Variants in ASIC2 observed in about 807,000 individuals in gnomAD.
ASIC2 encodes the protein acid-sensing ion channel 2.
A neutral mutation model predicts 57.3 loss-of-function variants in ASIC2; 25 were observed. The observed-to-expected ratio is 0.44, with a 90% CI of 0.32 to 0.61. ASIC2 has a LOEUF of 0.61. Ranked by LOEUF, ASIC2 falls within the 20% of genes least tolerant of loss-of-function variation. ASIC2 has a pLI of 0.06. For synonymous variants in ASIC2, 319 were observed against 307.5 expected (o/e 1.04, Z -0.39); for missense variants, 641 against 738.1 (o/e 0.87, Z 1.52).
intron 1 of ASIC2, among the ~76,000 whole-genome samples, chr17:33,700,287 G>A (rs1218678883): frequency 6.6e-6 from 1 of 151,946 alleles, no homozygotes; most frequent in Non-Finnish European, 1.5e-5. Flanking sequence ...AAAAAAAAAA[G>A]TTTTCTGTTG....
chr17:33,831,106 C>CAAAAAAA (rs56841196), intron 1 of ASIC2, among the ~76,000 whole-genome samples: 2 of 22,964 alleles, frequency 8.7e-5, no homozygotes, highest in Non-Finnish European at 1.4e-4. Context: ...AAGGCTCTGT[C>CAAAAAAA]AAAAAAAAAA....
At chr17:34,143,347 A>C (rs966564675) in intron 1 of ASIC2, among the ~76,000 whole-genome samples, 1 of 152,194 alleles carries the variant, frequency 6.6e-6, no homozygotes, top group African/African-American at 2.4e-5. Flanking sequence ...GTCCCCATAA[A>C]AACTCATGTT....
Position 33,673,800 on chromosome 17 carries a change from G to A in ASIC2, c.555+482178C>T, listed in dbSNP as rs75408751. 8.8e-3 allele frequency among the ~76,000 whole-genome samples: 1,344 copies of A among 152,184 alleles called. 18 individuals carry two copies. The highest frequency in any genetic ancestry group is 0.031 in the African/African-American group (1,302 of 41,498). ...GCTCCCTGAACCTACCTTACTGTCA[G>A]AATCATTCGTGAAGCTTTGTAAAGA... On this transcript the variant is annotated intron_variant, in intron 1 of 9. Coordinates refer to the ASIC2 transcript ENST00000359872.
At chr17:33,417,454 G>A (rs1004575335) in intron 1 of ASIC2, among the ~76,000 whole-genome samples, 3 of 152,120 alleles carry the variant, frequency 2.0e-5, no homozygotes, top group African/African-American at 7.2e-5. Flanking sequence ...AAGACTACCC[G>A]GGAAACACAC....
chr17:34,076,231 CT>C (rs1168286743), intron 1 of ASIC2, among the ~76,000 whole-genome samples: 1 of 152,132 alleles, frequency 6.6e-6, no homozygotes, highest in African/African-American at 2.4e-5. Context: ...TCTCAAACAC[CT>C]GACCTCAGGT....
At chr17:33,223,275 A>C (rs11653391) in intron 1 of ASIC2, among the ~76,000 whole-genome samples, 108,562 of 151,804 alleles carry the variant, frequency 0.72, 39,039 homozygotes, top group Middle Eastern at 0.8. Flanking sequence ...CTCCGCCTCC[A>C]GGGTTCAAGT....
At chr17:33,128,664 A>G (rs2092333931) in intron 1 of ASIC2, among the ~76,000 whole-genome samples, 1 of 152,146 alleles carries the variant, frequency 6.6e-6, no homozygotes, top group Non-Finnish European at 1.5e-5. Flanking sequence ...TTGTATCCCC[A>G]TTGGATTTGG....
chr17:33,244,714 C>T (rs1908630324), intron 1 of ASIC2, among the ~76,000 whole-genome samples: 1 of 152,202 alleles, frequency 6.6e-6, no homozygotes, highest in African/African-American at 2.4e-5. Flanking sequence ...CATATAGGGT[C>T]TTGTGCTTTC....
At chr17:34,048,424 G>C (rs1397915070) in intron 1 of ASIC2, among the ~76,000 whole-genome samples, 11 of 152,132 alleles carry the variant, frequency 7.2e-5, no homozygotes, top group Admixed American at 7.2e-4. Context: ...AAAGATAGTA[G>C]ATTGCAATGG....
chr17:33,035,661 T>C (rs952750532), intron 3 of ASIC2, among the ~76,000 whole-genome samples: 1 of 152,238 alleles, frequency 6.6e-6, no homozygotes, highest in African/African-American at 2.4e-5. Flanking sequence ...GAGTTGTTCA[T>C]CAAGATTTTC....
chr17:33,801,838 T>C lies in ASIC2; in HGVS notation c.555+354140A>G, dbSNP rs182994529. On this transcript the variant is annotated intron_variant, in intron 1 of 9. Coordinates refer to the ASIC2 transcript ENST00000359872. ...ATTTACAGGGCTCAATACCCACAGG[T>C]GCCTAGTGCCTACTGTACCGGACAG... Among the ~76,000 whole-genome samples, 129 of 152,306 alleles carry C rather than the reference T, an allele frequency of 8.5e-4. 2 individuals are homozygous for C. The highest frequency in any genetic ancestry group is 3.0e-3 in the African/African-American group (123 of 41,562).
At chr17:33,428,070 A>G (rs1224239443) in intron 1 of ASIC2, among the ~76,000 whole-genome samples, 1 of 152,234 alleles carries the variant, frequency 6.6e-6, no homozygotes, top group Non-Finnish European at 1.5e-5. Flanking sequence ...TCCAGCCTCC[A>G]GCTGACATCT....
chr17:33,992,453 C>T (rs1321596742), intron 1 of ASIC2, among the ~76,000 whole-genome samples: 1 of 152,180 alleles, frequency 6.6e-6, no homozygotes, highest in East Asian at 1.9e-4. Flanking sequence ...GCTGAATTTA[C>T]TTCTTTCCTT....
At chr17:34,077,643 C>T (rs1909720491) in intron 1 of ASIC2, among the ~76,000 whole-genome samples, 1 of 152,142 alleles carries the variant, frequency 6.6e-6, no homozygotes. Context: ...GCACATAATT[C>T]TACTCTTCAG....
chr17:33,967,163 A>C lies in ASIC2; in HGVS notation c.555+188815T>G, dbSNP rs193241339. 2.6e-5 allele frequency among the ~76,000 whole-genome samples: 4 copies of C among 151,842 alleles called. No individual in the cohort carries two copies. In the East Asian group the frequency reaches 7.7e-4, roughly 29 times the overall value. Reference sequence around the variant, plus strand: ...TACTTTTCCCACAATACTCATATTCAGGCAGTACCCTCTCTTCAGCACCCA... The same window carrying C: ...TACTTTTCCCACAATACTCATATTCCGGCAGTACCCTCTCTTCAGCACCCA... On this transcript the variant is annotated intron_variant, in intron 1 of 9. Transcript: ENST00000359872.
chr17:33,595,209 G>A (rs995745774), intron 1 of ASIC2, among the ~76,000 whole-genome samples: 5 of 152,124 alleles, frequency 3.3e-5, no homozygotes, highest in African/African-American at 1.2e-4. Flanking sequence ...CTGGGCAAAA[G>A]AGCAAGACTT....
intron 1 of ASIC2, among the ~76,000 whole-genome samples, chr17:33,503,796 G>T (rs1382460259): frequency 1.3e-5 from 2 of 152,266 alleles, no homozygotes; most frequent in East Asian, 1.9e-4. Context: ...CTGAATCAGT[G>T]TTTTCATCTA....
chr17:33,541,565 A>C (rs1331002498), intron 1 of ASIC2, among the ~76,000 whole-genome samples: 9 of 152,194 alleles, frequency 5.9e-5, no homozygotes, highest in Non-Finnish European at 1.0e-4. Context: ...AGGGAGGCTC[A>C]ACGGAAACTC....
intron 1 of ASIC2, among the ~76,000 whole-genome samples, chr17:33,681,613 C>A (rs1472079438): frequency 1.3e-5 from 2 of 152,198 alleles, no homozygotes; most frequent in Non-Finnish European, 2.9e-5. Context: ...AGGCTCTGCG[C>A]AGCTGGAGGG....
Sources: allele counts gnomAD v4.1 joint callset (sites outside exome capture counted in the v4.1 genomes callset), GRCh38; gene constraint gnomAD v4.1.1; transcripts MANE v1.5; gene names NCBI Gene and HGNC (gene_info 2026-07-23, HGNC 2026-07-21).